Variants in FUT8 observed in about 807,000 individuals in gnomAD.
The protein encoded by FUT8 is alpha-(1,6)-fucosyltransferase.
A neutral mutation model predicts 71.3 loss-of-function variants in FUT8; 29 were observed. The observed-to-expected ratio is 0.41, with a 90% CI of 0.30 to 0.55. The LOEUF is 0.55. FUT8 is among the 20% of genes least tolerant of loss of function. The pLI is 0.34. For synonymous variants in FUT8, 254 were observed against 239.3 expected (o/e 1.06, Z -0.57); for missense variants, 544 against 702.1 (o/e 0.77, Z 2.55).
intron 2 of FUT8, chr14:65,529,148 A>G (rs1374299019): frequency 6.3e-6 from 1 of 159,052 alleles, no homozygotes; most frequent in African/African-American, 2.4e-5. Context: ...CTTCATTTTG[A>G]TTACCTACTC....
intron 2 of FUT8, among the ~76,000 whole-genome samples, chr14:65,533,791 G>A (rs781433208): frequency 2.0e-5 from 3 of 152,120 alleles, no homozygotes; most frequent in Non-Finnish European, 2.9e-5. Context: ...TTATTTTGAT[G>A]TATGTTCCTT....
chr14:65,529,880 G>A (rs962635889), intron 2 of FUT8, among the ~76,000 whole-genome samples: 1 of 152,132 alleles, frequency 6.6e-6, no homozygotes, highest in Non-Finnish European at 1.5e-5. Context: ...GTGACTCTCT[G>A]TTGGATGTCC....
upstream of FUT8, among the ~76,000 whole-genome samples, chr14:65,406,291 C>T (rs2065088795): frequency 6.6e-6 from 1 of 152,200 alleles, no homozygotes; most frequent in African/African-American, 2.4e-5. Flanking sequence ...GACATCATCC[C>T]TTCTTATAGA....
chr14:65,618,256 A>C (rs1404978997), intron 5 of FUT8, among the ~76,000 whole-genome samples: 2 of 151,718 alleles, frequency 1.3e-5, no homozygotes, highest in African/African-American at 4.8e-5. Flanking sequence ...TAATTTGTTT[A>C]TATAACTCGC....
At chr14:65,671,878 TTTAG>T (rs1283275122) in intron 7 of FUT8, among the ~76,000 whole-genome samples, 5 of 152,198 alleles carry the variant, frequency 3.3e-5, no homozygotes, top group African/African-American at 7.2e-5. Flanking sequence ...ACTTTAATTC[TTTAG>T]TTAGTCATAA....
chr14:65,582,622 A>G (rs1256117653), intron 3 of FUT8, among the ~76,000 whole-genome samples: 1 of 152,102 alleles, frequency 6.6e-6, no homozygotes, highest in Non-Finnish European at 1.5e-5. Flanking sequence ...TGCCCTTTCT[A>G]TATGTTCACC....
chr14:65,412,229 G>A (rs2139340073), upstream of FUT8: 1 of 456,748 alleles, frequency 2.2e-6, no homozygotes, highest in South Asian at 1.5e-5. Flanking sequence ...TTGTAGGATC[G>A]CGCTGGAAGC....
At chr14:65,690,184 T>C (rs1397942304) in intron 7 of FUT8, among the ~76,000 whole-genome samples, 1 of 152,230 alleles carries the variant, frequency 6.6e-6, no homozygotes, top group African/African-American at 2.4e-5. Context: ...CAGAGATCAG[T>C]TGACCATCTC....
chr14:65,577,619 A>G (rs891043254), intron 3 of FUT8, among the ~76,000 whole-genome samples: 9 of 152,084 alleles, frequency 5.9e-5, no homozygotes, highest in Admixed American at 5.9e-4. Flanking sequence ...ATATGTTTTC[A>G]TTTTTTCTAA....
intron 7 of FUT8, among the ~76,000 whole-genome samples, chr14:65,711,858 A>G (rs978064108): frequency 2.0e-5 from 3 of 152,200 alleles, no homozygotes; most frequent in Non-Finnish European, 2.9e-5. Flanking sequence ...TATTAGCCAA[A>G]CTGACTTTCT....
chr14:65,611,302 C>CACACA (rs1566851609), intron 3 of FUT8, among the ~76,000 whole-genome samples: 4 of 38,468 alleles, frequency 1.0e-4, no homozygotes, highest in African/African-American at 6.0e-4. Flanking sequence ...CACACACACA[C>CACACA]CCCCCAAGTA....
chr14:65,575,714 G>T (rs574251524), intron 3 of FUT8, among the ~76,000 whole-genome samples: 1 of 151,640 alleles, frequency 6.6e-6, no homozygotes, highest in African/African-American at 2.4e-5. Flanking sequence ...CACCTCCCGG[G>T]TTCAAGCAAA....
chr14:65,565,801 T>C (rs1886162889), intron 3 of FUT8, among the ~76,000 whole-genome samples: 1 of 151,896 alleles, frequency 6.6e-6, no homozygotes, highest in Non-Finnish European at 1.5e-5. Context: ...GCCATTCATA[T>C]GTCATCTTTG....
chr14:65,648,586 T>C (rs574607079), intron 6 of FUT8, among the ~76,000 whole-genome samples: 8 of 152,202 alleles, frequency 5.3e-5, no homozygotes, highest in Non-Finnish European at 7.4e-5. Context: ...CTTCTTAAAA[T>C]GTAGTCATGT....
intron 2 of FUT8, among the ~76,000 whole-genome samples, chr14:65,486,396 A>G (rs988070312): frequency 1.3e-5 from 2 of 152,230 alleles, no homozygotes; most frequent in Non-Finnish European, 2.9e-5. Flanking sequence ...TAGGAGTACA[A>G]TTGTTTTAAC....
chr14:65,683,253 TC>T (rs1893123170), intron 7 of FUT8, among the ~76,000 whole-genome samples: 1 of 152,136 alleles, frequency 6.6e-6, no homozygotes, highest in African/African-American at 2.4e-5. Context: ...GACCTCGTGA[TC>T]CGCCCGCCTG....
intron 6 of FUT8, among the ~76,000 whole-genome samples, chr14:65,658,888 T>G (rs1891822496): frequency 6.6e-6 from 1 of 152,070 alleles, no homozygotes; most frequent in Non-Finnish European, 1.5e-5. Flanking sequence ...TGAAAACTGG[T>G]AAAATCTAAA....
intron 7 of FUT8, among the ~76,000 whole-genome samples, chr14:65,705,258 C>T (rs143260481): frequency 0.015 from 2,267 of 152,254 alleles, 30 homozygotes; most frequent in Non-Finnish European, 0.026. Flanking sequence ...TGAAAAACAA[C>T]AGGAAAGTAG....
intron 7 of FUT8, among the ~76,000 whole-genome samples, chr14:65,695,763 G>C (rs1893960219): frequency 6.6e-6 from 1 of 151,826 alleles, no homozygotes; most frequent in Non-Finnish European, 1.5e-5. Context: ...TAGTTGGGTT[G>C]TTTCTATAAT....
Sources: allele counts gnomAD v4.1 joint callset (sites outside exome capture counted in the v4.1 genomes callset), GRCh38; gene constraint gnomAD v4.1.1; transcripts MANE v1.5; gene names NCBI Gene and HGNC (gene_info 2026-07-23, HGNC 2026-07-21).